Variants in TMEM117 observed in about 807,000 individuals in gnomAD.
The protein encoded by TMEM117 is transmembrane protein 117.
Under a neutral mutation model 52.4 loss-of-function variants are expected in TMEM117, and 27 were observed. The observed-to-expected ratio is 0.51, with a 90% CI of 0.38 to 0.71. TMEM117 has a LOEUF of 0.71. Ranked by LOEUF, TMEM117 falls within the 30% of genes least tolerant of loss-of-function variation. TMEM117 has a pLI of 0.00. For synonymous variants in TMEM117, 215 were observed against 206.3 expected (o/e 1.04, Z -0.36); for missense variants, 556 against 630.5 (o/e 0.88, Z 1.26).
intron 4 of TMEM117, among the ~76,000 whole-genome samples, chr12:44,146,022 T>C (rs1204471607): frequency 2.0e-5 from 3 of 152,210 alleles, no homozygotes; most frequent in Admixed American, 6.5e-5. Context: ...ATTGGTTCAT[T>C]ATTATTATTT....
In TMEM117 at chr12:43,849,418, A is replaced by G. The variant is rs147120272; in HGVS notation, c.277+4490A>G. Among the ~76,000 whole-genome samples the G allele has an allele frequency of 2.4e-3, 373 of 152,346 alleles. 2 individuals are homozygous for G. The highest frequency in any genetic ancestry group is 8.3e-3 in the African/African-American group (347 of 41,588). ...CACCATTAAGCTAATGGTATTAATT[A>G]TAAACAGGACATTTGGTTTTGTAAT... On this transcript the variant is annotated intron_variant, in intron 2 of 7. Transcript: ENST00000266534.
At chr12:44,324,239 C>G (rs1263943241) in intron 6 of TMEM117, among the ~76,000 whole-genome samples, 4 of 151,946 alleles carry the variant, frequency 2.6e-5, no homozygotes. Context: ...TTGACTTCTG[C>G]TTGCCTGTAA....
chr12:44,308,100 A>G (rs1174969653), intron 6 of TMEM117, among the ~76,000 whole-genome samples: 1 of 152,226 alleles, frequency 6.6e-6, no homozygotes, highest in Non-Finnish European at 1.5e-5. Context: ...GATTTGGTTA[A>G]GTAAGTGGAA....
intron 4 of TMEM117, among the ~76,000 whole-genome samples, chr12:44,210,423 C>T (rs753139202): frequency 9.6e-4 from 146 of 152,202 alleles, no homozygotes; most frequent in Admixed American, 2.3e-3. Context: ...GAGAAATGTA[C>T]TTTGTTAATG....
chr12:44,168,937 A>C (rs553090162), intron 4 of TMEM117, among the ~76,000 whole-genome samples: 1 of 152,298 alleles, frequency 6.6e-6, no homozygotes, highest in Admixed American at 6.5e-5. Flanking sequence ...TAGGCACCTT[A>C]TGTAGTTGAA....
At chr12:43,827,477 A>C in the TMEM117 span, among the ~76,000 whole-genome samples, 1 of 152,248 alleles carries the variant, frequency 6.6e-6, no homozygotes, top group Admixed American at 6.5e-5. Context: ...CTCAGCAGAT[A>C]GAAGCAAAAT....
At position 43,952,858 on chromosome 12, in the gene TMEM117, T is replaced by G. The variant is rs532629588; in HGVS notation, c.410+8516T>G. 1.9e-3 allele frequency among the ~76,000 whole-genome samples: 286 copies of G among 151,868 alleles called. 3 individuals are homozygous for G. Among genetic ancestry groups the G allele is most frequent in the African/African-American group, 6.5e-3 (270 of 41,438 alleles). On this transcript the variant is annotated intron_variant, in intron 3 of 7. Transcript: ENST00000266534. ...ACGTAATCACCAGATTCTCCAGAGT[T>G]GAAATGAAGAAAAAAATGCTAAGGG... is the stretch of plus-strand genomic sequence containing the variant.
chr12:44,107,779 GA>G (rs777440940), intron 3 of TMEM117, among the ~76,000 whole-genome samples: 31 of 152,020 alleles, frequency 2.0e-4, no homozygotes, highest in Non-Finnish European at 3.2e-4. Context: ...CAACTTTTCA[GA>G]AAGCAACTTT....
At chr12:43,920,803 A>G (rs1944681372) in intron 2 of TMEM117, among the ~76,000 whole-genome samples, 1 of 152,172 alleles carries the variant, frequency 6.6e-6, no homozygotes, top group Non-Finnish European at 1.5e-5. Context: ...AGGATAATTC[A>G]GAGAGTATCT....
At chr12:43,815,337 A>C in the TMEM117 span, among the ~76,000 whole-genome samples, 2 of 152,204 alleles carry the variant, frequency 1.3e-5, no homozygotes, top group Admixed American at 6.5e-5. Context: ...AAGAATTTTA[A>C]GCCTTGTGAC....
At chr12:44,214,632 T>C (rs1447086695) in intron 5 of TMEM117, among the ~76,000 whole-genome samples, 1 of 152,226 alleles carries the variant, frequency 6.6e-6, no homozygotes, top group Non-Finnish European at 1.5e-5. Flanking sequence ...TTATTCTTTC[T>C]GTAAAATTAT....
intron 4 of TMEM117, among the ~76,000 whole-genome samples, chr12:44,200,219 A>C (rs960472914): frequency 1.3e-5 from 2 of 152,348 alleles, no homozygotes; most frequent in Non-Finnish European, 2.9e-5. Flanking sequence ...CATTTATGTC[A>C]TAAAGATAGG....
chr12:44,363,180 A>G (rs561525684), intron 6 of TMEM117, among the ~76,000 whole-genome samples: 6 of 152,350 alleles, frequency 3.9e-5, no homozygotes, highest in South Asian at 2.1e-4. Flanking sequence ...TAGCTGTATT[A>G]CAGTGGGTAA....
At chr12:44,182,813 C>T (rs983821238) in intron 4 of TMEM117, among the ~76,000 whole-genome samples, 1 of 152,072 alleles carries the variant, frequency 6.6e-6, no homozygotes, top group African/African-American at 2.4e-5. Context: ...ATGAGTCGGT[C>T]AGTAGCACCT....
upstream of TMEM117, among the ~76,000 whole-genome samples, chr12:43,831,891 TGA>T (rs1942984964): frequency 3.9e-5 from 6 of 152,154 alleles, no homozygotes; most frequent in Non-Finnish European, 8.8e-5. Context: ...TACAAAGGAA[TGA>T]TATGTAAACA....
intron 4 of TMEM117, among the ~76,000 whole-genome samples, chr12:44,200,288 G>T (rs7306647): frequency 0.27 from 40,938 of 152,040 alleles, 9,988 homozygotes; most frequent in African/African-American, 0.65. Context: ...ACAAAATGTT[G>T]CTTCAAAATT....
intron 2 of TMEM117, among the ~76,000 whole-genome samples, chr12:43,867,294 G>C (rs1371316419): frequency 6.6e-6 from 1 of 152,008 alleles, no homozygotes; most frequent in Non-Finnish European, 1.5e-5. Flanking sequence ...AAGTTAAAAA[G>C]GCATGTTTCA....
chr12:43,950,026 T>C (rs2137631616), intron 3 of TMEM117, among the ~76,000 whole-genome samples: 1 of 152,326 alleles, frequency 6.6e-6, no homozygotes, highest in East Asian at 1.9e-4. Flanking sequence ...TCCTTTTGCC[T>C]CAACTTCTAT....
At position 43,891,367 on chromosome 12, in the gene TMEM117, A is replaced by ATTTTTTTTTTTTTTTT. The variant is rs772754829; in HGVS notation, c.277+46447_277+46462dup. 2.8e-3 allele frequency among the ~76,000 whole-genome samples: 162 copies of ATTTTTTTTTTTTTTTT among 57,796 alleles called. 36 individuals are homozygous for ATTTTTTTTTTTTTTTT. Among genetic ancestry groups the ATTTTTTTTTTTTTTTT allele is most frequent in the Admixed American group, 3.3e-3 (10 of 3,032 alleles). The allele number at this position is 57,796 out of a possible 152,430, so 37.9% of individuals were successfully genotyped here. Reference sequence around the variant, plus strand: ...ATTTCTTTTGGGAAATACCTCTTGAATTTTTTTTTTTTTTTTTTTTTTTGA... The same window carrying ATTTTTTTTTTTTTTTT: ...ATTTCTTTTGGGAAATACCTCTTGAATTTTTTTTTTTTTTTTTTTTTTTTTTTTTTTTTTTTTTTGA... On this transcript the variant is annotated intron_variant, in intron 2 of 7. Transcript: ENST00000266534.
Sources: gnomAD v4.1 joint callset for allele counts (sites outside exome capture counted in the v4.1 genomes callset) on GRCh38, gnomAD v4.1.1 for gene constraint, MANE v1.5 for transcripts, NCBI Gene and HGNC (gene_info 2026-07-23, HGNC 2026-07-21) for gene names.